The following FTO variants were observed in gnomAD, a reference collection of about 807,000 sequenced individuals.
The protein encoded by FTO is FTO alpha-ketoglutarate dependent dioxygenase.
A neutral mutation model predicts 63.9 loss-of-function variants in FTO; 47 were observed. The ratio of observed to expected loss-of-function variants is 0.74; its 90% CI spans 0.58 to 0.94. The LOEUF (loss-of-function observed/expected upper bound fraction) is 0.94. FTO is among the 40% of genes least tolerant of loss of function. The pLI is 0.00. For missense variants in FTO, 562 were observed against 618.1 expected, an observed-to-expected ratio of 0.91 and a Z score of 0.96; for synonymous variants, 207 against 224.4, an observed-to-expected ratio of 0.92 and a Z score of 0.69.
In FTO at chr16:54,112,013, C is replaced by T. The variant is rs1240856803; in HGVS notation, c.*98C>T. On this transcript the variant is annotated 3_prime_UTR_variant, in exon 9 of 9. Transcript: ENST00000471389. ...CAAGAGCAGTGGAGACTTCTCTTGGCCCCTAGATTGTAGCACCCGGGTCCC... is the reference window on the plus strand; with the variant it reads ...CAAGAGCAGTGGAGACTTCTCTTGGTCCCTAGATTGTAGCACCCGGGTCCC... 3.0e-6 allele frequency: 4 copies of T among 1,345,874 alleles called. No homozygotes were observed. The highest frequency in any genetic ancestry group is 4.2e-6 in the Non-Finnish European group (4 of 941,630). 83.4% of individuals were successfully genotyped at this position (1,345,874 alleles called of 1,614,324 possible).
At chr16:53,849,066 C>T (rs2151828961) in intron 4 of FTO, among the ~76,000 whole-genome samples, 1 of 152,276 alleles carries the variant, frequency 6.6e-6, no homozygotes, top group South Asian at 2.1e-4. Flanking sequence ...AATGTAAATG[C>T]ATAGCCCTTC....
chr16:53,753,217 C>A (rs1271964991), intron 1 of FTO, among the ~76,000 whole-genome samples: 1 of 142,896 alleles, frequency 7.0e-6, no homozygotes, highest in Non-Finnish European at 1.5e-5. Context: ...CGCATCACTG[C>A]ATTCCAGCAT....
At chr16:54,109,364 T>C (rs2086825368) in intron 8 of FTO, among the ~76,000 whole-genome samples, 1 of 152,164 alleles carries the variant, frequency 6.6e-6, no homozygotes, top group Admixed American at 6.5e-5. Flanking sequence ...AGAGTCTTGC[T>C]CTGTTGCCCA....
chr16:54,000,730 A>T (rs1328766572), intron 8 of FTO, among the ~76,000 whole-genome samples: 2 of 152,230 alleles, frequency 1.3e-5, no homozygotes. Context: ...GGTATGTCTC[A>T]GACAACACGA....
At chr16:53,961,768 A>G (rs1227145308) in intron 8 of FTO, among the ~76,000 whole-genome samples, 2 of 152,208 alleles carry the variant, frequency 1.3e-5, no homozygotes, top group Non-Finnish European at 2.9e-5. Context: ...AGTTATGATG[A>G]CCAACATTGA....
intron 8 of FTO, chr16:53,937,398 C>T (rs1022226745): frequency 1.8e-5 from 7 of 394,920 alleles, no homozygotes; most frequent in Admixed American, 8.8e-5. Context: ...AAGAACTGGG[C>T]GAGCCCTCTG....
At chr16:53,722,203 G>A (rs1567928871) in intron 1 of FTO, among the ~76,000 whole-genome samples, 1 of 152,092 alleles carries the variant, frequency 6.6e-6, no homozygotes, top group Non-Finnish European at 1.5e-5. Context: ...ATTTACTGGT[G>A]TATGGTACCG....
At chr16:54,051,344 G>A (rs2085308350) in intron 8 of FTO, among the ~76,000 whole-genome samples, 1 of 152,190 alleles carries the variant, frequency 6.6e-6, no homozygotes, top group African/African-American at 2.4e-5. Flanking sequence ...TCTGGTTATG[G>A]GTTGGCAACC....
At chr16:53,825,816 A>G (rs765632404) in intron 2 of FTO, 48 bp from the exon 3 acceptor site, 66 of 1,598,870 alleles carry the variant, frequency 4.1e-5, no homozygotes, top group Non-Finnish European at 5.4e-5. Context: ...GAAATAATAC[A>G]ATTGTAGCTA....
chr16:53,809,121 C>T (rs1482004688), intron 1 of FTO, among the ~76,000 whole-genome samples: 2 of 152,098 alleles, frequency 1.3e-5, no homozygotes, highest in African/African-American at 4.8e-5. Flanking sequence ...AATATGAGAT[C>T]GTCTTTCAGT....
At chr16:53,943,722 G>A (rs1413936925) in intron 8 of FTO, among the ~76,000 whole-genome samples, 2 of 152,196 alleles carry the variant, frequency 1.3e-5, no homozygotes, top group Non-Finnish European at 2.9e-5. Flanking sequence ...AAGTCATTCA[G>A]TTGAGATAAA....
chr16:53,947,076 A>G lies in FTO; in HGVS notation c.1364+12967A>G, dbSNP rs139587566. On this transcript the variant is annotated intron_variant, in intron 8 of 8. Transcript: ENST00000471389. ...AAGGTAAAATGTAACTTGGGGAACT[A>G]GTTATGAAAATTCCATCCATCTCGC... Among the ~76,000 whole-genome samples the G allele has an allele frequency of 1.0e-3, 153 of 152,296 alleles. No homozygotes were observed. In the Middle Eastern group the frequency reaches 0.031, roughly 30 times the overall value.
intron 8 of FTO, among the ~76,000 whole-genome samples, chr16:53,987,322 T>G (rs2143866482): frequency 6.6e-6 from 1 of 152,178 alleles, no homozygotes; most frequent in Non-Finnish European, 1.5e-5. Flanking sequence ...GGCTCACGCC[T>G]GTAATCCCAG....
chr16:54,026,032 T>C (rs1262377581), intron 8 of FTO, among the ~76,000 whole-genome samples: 1 of 152,054 alleles, frequency 6.6e-6, no homozygotes, highest in African/African-American at 2.4e-5. Flanking sequence ...AAATTACTTA[T>C]TTTTATTAGT....
At chr16:54,110,269 A>G (rs536668794) in intron 8 of FTO, among the ~76,000 whole-genome samples, 8 of 152,354 alleles carry the variant, frequency 5.3e-5, no homozygotes, top group Admixed American at 5.2e-4. Flanking sequence ...AGGATTGTCA[A>G]AAGCAGCTTC....
intron 3 of FTO, among the ~76,000 whole-genome samples, chr16:53,835,057 C>A (rs1567342252): frequency 6.6e-6 from 1 of 152,086 alleles, no homozygotes; most frequent in Non-Finnish European, 1.5e-5. Context: ...GGTAGTCTTG[C>A]TTTTTGTGTA....
intron 3 of FTO, among the ~76,000 whole-genome samples, chr16:53,840,077 A>G (rs1261638242): frequency 1.3e-5 from 2 of 152,084 alleles, no homozygotes; most frequent in South Asian, 2.1e-4. Flanking sequence ...TGCTGGGATT[A>G]CAGGTGTGAG....
intron 4 of FTO, among the ~76,000 whole-genome samples, chr16:53,869,464 G>C (rs754836124): frequency 6.8e-6 from 1 of 147,964 alleles, no homozygotes; most frequent in Non-Finnish European, 1.5e-5. Flanking sequence ...ATTTTCTTCT[G>C]TTCCTTTCCC....
chr16:53,803,130 A>C (rs1294465721), intron 1 of FTO, among the ~76,000 whole-genome samples: 1 of 152,166 alleles, frequency 6.6e-6, no homozygotes, highest in East Asian at 1.9e-4. Flanking sequence ...TGGATGACAA[A>C]CATTGTAAAT....
Sources: gnomAD v4.1 joint callset for allele counts (sites outside exome capture counted in the v4.1 genomes callset) on GRCh38, gnomAD v4.1.1 for gene constraint, MANE v1.5 for transcripts, NCBI Gene and HGNC (gene_info 2026-07-23, HGNC 2026-07-21) for gene names.